EYS: variants seen among roughly 807,000 people sequenced by gnomAD.
EYS encodes EGF-like photoreceptor maintenance factor.
Under a neutral mutation model 282.1 loss-of-function variants are expected in EYS, and 250 were observed. That is an observed-to-expected ratio of 0.89 (90% confidence interval 0.80 to 0.98). The LOEUF (loss-of-function observed/expected upper bound fraction) is 0.98. Ranked by LOEUF, EYS falls within the 50% of genes least tolerant of loss-of-function variation. The pLI is 0.00. For missense variants in EYS, 4,016 were observed against 3,709.0 expected, an observed-to-expected ratio of 1.08 and a Z score of -2.15; for synonymous variants, 1,355 against 1,282.9, an observed-to-expected ratio of 1.06 and a Z score of -1.20.
chr6:64,489,079 A>G (rs1213624911), intron 26 of EYS, among the ~76,000 whole-genome samples: 1 of 150,972 alleles, frequency 6.6e-6, no homozygotes, highest in Non-Finnish European at 1.5e-5. Flanking sequence ...TCTCATAGAA[A>G]GACAAAAGAA....
At chr6:64,446,986 TG>T (rs71551588) in intron 26 of EYS, among the ~76,000 whole-genome samples, 42,228 of 138,650 alleles carry the variant, frequency 0.3, 6,060 homozygotes, top group East Asian at 0.51. Flanking sequence ...TGTGTGTGTG[TG>T]GGGGGGGGGT....
chr6:64,031,502 G>A (rs1369075710), intron 33 of EYS, among the ~76,000 whole-genome samples: 2 of 152,240 alleles, frequency 1.3e-5, no homozygotes, highest in African/African-American at 4.8e-5. Context: ...AAGGGCTGAG[G>A]AGTGCAGGCG....
intron 12 of EYS, among the ~76,000 whole-genome samples, chr6:65,082,372 T>C (rs1397361712): frequency 6.6e-6 from 1 of 151,994 alleles, no homozygotes; most frequent in Non-Finnish European, 1.5e-5. Context: ...TACAAAACCA[T>C]GAATACTTAT....
chr6:64,466,001 A>G (rs980212779), intron 26 of EYS, among the ~76,000 whole-genome samples: 1 of 145,282 alleles, frequency 6.9e-6, no homozygotes, highest in African/African-American at 2.4e-5. Flanking sequence ...TGAAAAGAAT[A>G]CTCAAGAGCA....
intron 36 of EYS, among the ~76,000 whole-genome samples, chr6:63,852,136 G>T (rs1261619996): frequency 9.2e-6 from 1 of 108,876 alleles, no homozygotes; most frequent in Non-Finnish European, 1.7e-5. Flanking sequence ...CAGCCTGGGC[G>T]ACAGAGCGAG....
intron 2 of EYS, among the ~76,000 whole-genome samples, chr6:65,514,295 C>G (rs1003113864): frequency 3.3e-5 from 5 of 152,074 alleles, no homozygotes; most frequent in African/African-American, 9.7e-5. Context: ...AAAGAGGATA[C>G]AAACAAATGG....
intron 12 of EYS, among the ~76,000 whole-genome samples, chr6:65,168,963 CCTTTACCATGTT>C: frequency 6.6e-6 from 1 of 151,298 alleles, no homozygotes; most frequent in African/African-American, 2.4e-5. Context: ...AACCATTTTA[CCTTTACCATGTT>C]TTAAGACATA....
intron 14 of EYS, among the ~76,000 whole-genome samples, chr6:64,958,388 T>TAAACA (rs1404202903): frequency 1.4e-5 from 2 of 141,788 alleles, no homozygotes; most frequent in African/African-American, 5.2e-5. Context: ...TCTCAAAAAC[T>TAAACA]AAACAAAACA....
chr6:64,158,321 T>C (rs1774995725), intron 31 of EYS, among the ~76,000 whole-genome samples: 4 of 152,214 alleles, frequency 2.6e-5, no homozygotes, highest in African/African-American at 9.7e-5. Context: ...AATGAATACG[T>C]TGATAATGGA....
At chr6:65,497,182 G>T (rs1392973115) in intron 2 of EYS, among the ~76,000 whole-genome samples, 1 of 151,988 alleles carries the variant, frequency 6.6e-6, no homozygotes. Flanking sequence ...CTCAATCTAT[G>T]TGCAAGGCAA....
intron 1 of EYS, among the ~76,000 whole-genome samples, chr6:65,690,888 C>T (rs1405725909): frequency 6.7e-6 from 1 of 150,058 alleles, no homozygotes; most frequent in Non-Finnish European, 1.5e-5. Context: ...CAGCTTCAAC[C>T]ATGTCCCCAC....
chr6:63,763,476 G>C (rs1027590133), intron 40 of EYS, among the ~76,000 whole-genome samples: 1 of 151,972 alleles, frequency 6.6e-6, no homozygotes, highest in Admixed American at 6.6e-5. Context: ...ATCTTGAATT[G>C]TAGTTGGCAT....
chr6:64,557,406 C>T (rs1348497284), intron 26 of EYS, among the ~76,000 whole-genome samples: 1 of 151,884 alleles, frequency 6.6e-6, no homozygotes, highest in Non-Finnish European at 1.5e-5. Flanking sequence ...TATATGAAAA[C>T]TACTTCATTC....
intron 2 of EYS, among the ~76,000 whole-genome samples, chr6:65,538,603 A>T (rs1768047430): frequency 1.3e-5 from 2 of 152,326 alleles, no homozygotes; most frequent in South Asian, 4.1e-4. Context: ...AGAGAATGTC[A>T]TGAATAGACC....
intron 28 of EYS, among the ~76,000 whole-genome samples, chr6:64,427,317 T>C (rs1464643864): frequency 6.6e-6 from 1 of 151,932 alleles, no homozygotes; most frequent in Non-Finnish European, 1.5e-5. Context: ...TAACAGAGAG[T>C]ACACCAAAGC....
At chr6:65,084,437 G>C (rs1774309087) in intron 12 of EYS, among the ~76,000 whole-genome samples, 1 of 152,066 alleles carries the variant, frequency 6.6e-6, no homozygotes, top group Non-Finnish European at 1.5e-5. Flanking sequence ...TTAAATGTGG[G>C]CTTTCTTCTG....
At chr6:64,469,027 G>A (rs966190972) in intron 26 of EYS, among the ~76,000 whole-genome samples, 2 of 152,120 alleles carry the variant, frequency 1.3e-5, no homozygotes, top group African/African-American at 4.8e-5. Context: ...CCAATGTTGG[G>A]ATTTCTGGGT....
At chr6:64,373,917 C>A (rs1347002551) in intron 29 of EYS, among the ~76,000 whole-genome samples, 1 of 151,948 alleles carries the variant, frequency 6.6e-6, no homozygotes, top group Non-Finnish European at 1.5e-5. Context: ...AGAAGCAGGA[C>A]CACAGGGTCA....
chr6:64,060,955 G>C (rs942312096), intron 33 of EYS, among the ~76,000 whole-genome samples: 4 of 152,164 alleles, frequency 2.6e-5, no homozygotes, highest in Non-Finnish European at 5.9e-5. Flanking sequence ...GGCTATTGGA[G>C]ATGTGTTGCT....
Sources: gnomAD v4.1 joint callset for allele counts (sites outside exome capture counted in the v4.1 genomes callset) on GRCh38, gnomAD v4.1.1 for gene constraint, MANE v1.5 for transcripts, NCBI Gene and HGNC (gene_info 2026-07-23, HGNC 2026-07-21) for gene names.